Variants in FAM107B observed in about 807,000 individuals in gnomAD.
FAM107B encodes the protein family with sequence similarity 107 member B.
FAM107B carries 21 observed loss-of-function variants against 31.5 expected under a neutral mutation model. The ratio of observed to expected loss-of-function variants is 0.67; its 90% CI spans 0.47 to 0.96. FAM107B has a LOEUF of 0.96. Among genes scored for constraint, FAM107B ranks in the 40% least tolerant of loss-of-function variants. The pLI is 0.00. For missense variants in FAM107B, 452 were observed against 377.1 expected, an observed-to-expected ratio of 1.20 and a Z score of -1.64; for synonymous variants, 157 against 141.5, an observed-to-expected ratio of 1.11 and a Z score of -0.78.
At chr10:14,682,272 T>C (rs940305084) in intron 1 of FAM107B, among the ~76,000 whole-genome samples, 11 of 152,238 alleles carry the variant, frequency 7.2e-5, no homozygotes, top group Admixed American at 5.2e-4. Flanking sequence ...CTCATGCCTG[T>C]AATCCCAGAA....
intron 1 of FAM107B, among the ~76,000 whole-genome samples, chr10:14,714,016 C>T (rs1164260860): frequency 6.6e-6 from 1 of 151,940 alleles, no homozygotes; most frequent in Non-Finnish European, 1.5e-5. Flanking sequence ...AAAGAGATAC[C>T]AGGGCCTACT....
At chr10:14,738,536 G>A (rs1047731804) in intron 1 of FAM107B, among the ~76,000 whole-genome samples, 1 of 152,160 alleles carries the variant, frequency 6.6e-6, no homozygotes, top group South Asian at 2.1e-4. Context: ...AACTCCAAAA[G>A]ATTCCCTTAG....
At chr10:14,602,008 G>A (rs1852414776) in intron 2 of FAM107B, among the ~76,000 whole-genome samples, 1 of 152,236 alleles carries the variant, frequency 6.6e-6, no homozygotes, top group South Asian at 2.1e-4. Context: ...CGCAAATCAA[G>A]TCCATTTTTA....
chr10:14,580,736 C>G (rs1269827235), intron 2 of FAM107B, among the ~76,000 whole-genome samples: 1 of 151,984 alleles, frequency 6.6e-6, no homozygotes, highest in Non-Finnish European at 1.5e-5. Flanking sequence ...AGGATTATGC[C>G]TAGCCTTTAA....
chr10:14,548,049 G>C (rs1290891305), intron 2 of FAM107B, among the ~76,000 whole-genome samples: 1 of 152,214 alleles, frequency 6.6e-6, no homozygotes, highest in Non-Finnish European at 1.5e-5. Flanking sequence ...CAATACGCAG[G>C]CTTCGCAGGG....
At chr10:14,521,366 CTT>C (rs1383463997) in intron 4 of FAM107B, 60 bp from the exon 5 acceptor site, 3 of 1,375,996 alleles carry the variant, frequency 2.2e-6, no homozygotes, top group Admixed American at 1.8e-5. Flanking sequence ...TCAAAATACT[CTT>C]CTCTCTTTTC....
intron 1 of FAM107B, among the ~76,000 whole-genome samples, chr10:14,687,760 G>A (rs1315518724): frequency 6.6e-6 from 1 of 152,152 alleles, no homozygotes; most frequent in East Asian, 1.9e-4. Flanking sequence ...CCTGGCTAGA[G>A]CATGATAGAA....
chr10:14,550,914 T>A (rs1259546920), intron 2 of FAM107B, among the ~76,000 whole-genome samples: 1 of 152,192 alleles, frequency 6.6e-6, no homozygotes, highest in Non-Finnish European at 1.5e-5. Context: ...AAATCACTCA[T>A]CACTTCGAGA....
chr10:14,743,198 C>T (rs552677357), intron 1 of FAM107B, among the ~76,000 whole-genome samples: 4 of 152,192 alleles, frequency 2.6e-5, no homozygotes, highest in South Asian at 4.1e-4. Context: ...ATGTCCTTTG[C>T]CCACATTTTA....
chr10:14,671,829 C>T (rs1854553375), intron 1 of FAM107B, among the ~76,000 whole-genome samples: 1 of 149,752 alleles, frequency 6.7e-6, no homozygotes, highest in South Asian at 2.1e-4. Flanking sequence ...AAGATTAACC[C>T]TGGACTTTTC....
chr10:14,761,011 C>CAAAAAAAAAA (rs565835423), intron 1 of FAM107B, among the ~76,000 whole-genome samples: 3 of 77,626 alleles, frequency 3.9e-5, no homozygotes, highest in Non-Finnish European at 5.3e-5. Context: ...GACTCCGTTT[C>CAAAAAAAAAA]AAAAAAAAAA....
chr10:14,523,007 C>G (rs73599369), intron 3 of FAM107B, among the ~76,000 whole-genome samples: 7 of 152,270 alleles, frequency 4.6e-5, no homozygotes, highest in Non-Finnish European at 8.8e-5. Context: ...ATAAATTAGG[C>G]TACCATCTCT....
At chr10:14,537,421 G>A (rs947718553) in intron 2 of FAM107B, among the ~76,000 whole-genome samples, 1 of 152,202 alleles carries the variant, frequency 6.6e-6, no homozygotes, top group African/African-American at 2.4e-5. Context: ...GGGGCAACCC[G>A]CATCTGCATT....
At chr10:14,614,448 G>C (rs1164665306) in intron 2 of FAM107B, among the ~76,000 whole-genome samples, 1 of 151,940 alleles carries the variant, frequency 6.6e-6, no homozygotes, top group Non-Finnish European at 1.5e-5. Context: ...TGAGGGAGGT[G>C]GATCACCTGA....
At chr10:14,738,788 A>G (rs1856368863) in intron 1 of FAM107B, among the ~76,000 whole-genome samples, 1 of 152,176 alleles carries the variant, frequency 6.6e-6, no homozygotes. Flanking sequence ...TTAGTGTGCT[A>G]AGTTTCCATT....
chr10:14,748,334 T>C (rs1161319968), intron 1 of FAM107B, among the ~76,000 whole-genome samples: 1 of 152,212 alleles, frequency 6.6e-6, no homozygotes, highest in Non-Finnish European at 1.5e-5. Flanking sequence ...TGGACATCTG[T>C]CATTCTTTTT....
chr10:14,620,637 C>T (rs908616963), intron 2 of FAM107B, among the ~76,000 whole-genome samples: 5 of 152,058 alleles, frequency 3.3e-5, no homozygotes, highest in Non-Finnish European at 7.4e-5. Context: ...ACCCATCAAC[C>T]CGTCAACTAC....
chr10:14,669,780 G>A (rs1854498220), intron 1 of FAM107B, among the ~76,000 whole-genome samples: 1 of 152,220 alleles, frequency 6.6e-6, no homozygotes, highest in African/African-American at 2.4e-5. Context: ...TCAGGAAAGG[G>A]TGCGGTGTGG....
intron 2 of FAM107B, among the ~76,000 whole-genome samples, chr10:14,538,285 A>T (rs1252701614): frequency 6.6e-6 from 1 of 152,226 alleles, no homozygotes; most frequent in Non-Finnish European, 1.5e-5. Context: ...CAGGCCATTC[A>T]TAATAGTCCC....
Sources: allele counts gnomAD v4.1 joint callset (sites outside exome capture counted in the v4.1 genomes callset), GRCh38; gene constraint gnomAD v4.1.1; transcripts MANE v1.5; gene names NCBI Gene and HGNC (gene_info 2026-07-23, HGNC 2026-07-21).